ANKRD54: variants seen among roughly 807,000 people sequenced by gnomAD.
ANKRD54 encodes ankyrin repeat domain-containing protein 54.
ANKRD54 carries 26 observed loss-of-function variants against 36.2 expected under a neutral mutation model. That is an observed-to-expected ratio of 0.72 (90% CI 0.53 to 1.00). ANKRD54 has a LOEUF of 1.00. Among genes scored for constraint, ANKRD54 ranks in the 50% least tolerant of loss-of-function variants. ANKRD54 has a pLI of 0.00. For synonymous variants in ANKRD54, 209 were observed against 188.4 expected (o/e 1.11, Z -0.89); for missense variants, 384 against 424.3 (o/e 0.91, Z 0.83).
Position 37,844,149 on chromosome 22 carries a change from C to G in ANKRD54, c.90G>C (p.Leu30=), listed in dbSNP as rs1036680250. The change falls in exon 1 of 8, where the codon CTG becomes CTC. Residue 30 remains leucine, a synonymous_variant. Coordinates refer to ENST00000215941, the MANE Select transcript of ANKRD54 (RefSeq NM_138797.4). Reference sequence around the variant, plus strand: ...AGGAGAAGAGGCCCTCAGCGTCAGTCAGCGGCTCCGGCGCCACCGCGCACT... The same window carrying G: ...AGGAGAAGAGGCCCTCAGCGTCAGTGAGCGGCTCCGGCGCCACCGCGCACT... ...EGECAVAPEP[L]TDAEGLFSFA... 3.4e-5 allele frequency: 51 copies of G among 1,497,484 alleles called. No individual in the cohort carries two copies. Among genetic ancestry groups the G allele is most frequent in the Non-Finnish European group, 4.2e-5 (47 of 1,130,642 alleles). The allele number at this position is 1,497,484 out of a possible 1,614,324, so 92.8% of individuals were successfully genotyped here. A position where few individuals can be genotyped will look rare whatever the true frequency, so the allele number is the denominator to read the frequency against.
chr22:37,846,086 A>G (rs552718390), upstream of ANKRD54, among the ~76,000 whole-genome samples: 1 of 151,342 alleles, frequency 6.6e-6, no homozygotes, highest in Non-Finnish European at 1.5e-5. Context: ...GAGGCAGGAG[A>G]ATGGCGTGAA....
intron 1 of ANKRD54, among the ~76,000 whole-genome samples, chr22:37,841,017 G>A (rs1231036505): frequency 6.6e-6 from 1 of 151,898 alleles, no homozygotes; most frequent in African/African-American, 2.4e-5. Flanking sequence ...GGAAGGCGGA[G>A]GCTACAGTGA....
chr22:37,833,587 C>T, intron 4 of ANKRD54, 97 bp downstream of exon 4: 2 of 1,313,624 alleles, frequency 1.5e-6, no homozygotes, highest in Non-Finnish European at 1.1e-6. Context: ...CTGACACTCA[C>T]AGTTTCTGCC....
upstream of ANKRD54, among the ~76,000 whole-genome samples, chr22:37,845,425 A>G (rs6000905): frequency 0.58 from 88,084 of 152,000 alleles, 25,902 homozygotes; most frequent in East Asian, 0.86. Context: ...GCACTTCTAT[A>G]AAGTAGACAA....
chr22:37,840,965 C>T (rs1924163096), intron 1 of ANKRD54, among the ~76,000 whole-genome samples: 1 of 151,994 alleles, frequency 6.6e-6, no homozygotes, highest in African/African-American at 2.4e-5. Flanking sequence ...ACGTGTAACA[C>T]CAGCTACTTA....
chr22:37,837,218 C>T (rs867760149), intron 3 of ANKRD54, among the ~76,000 whole-genome samples: 24 of 151,974 alleles, frequency 1.6e-4, no homozygotes, highest in African/African-American at 5.6e-4. Context: ...GAGTGTGTGT[C>T]AGTACATCCC....
chr22:37,846,025 A>T (rs1924823087), upstream of ANKRD54, among the ~76,000 whole-genome samples: 1 of 151,850 alleles, frequency 6.6e-6, no homozygotes, highest in South Asian at 2.1e-4. Context: ...ATACAAAAAA[A>T]TTAGCCTGGT....
chr22:37,840,559 A>AG (rs929452608), intron 1 of ANKRD54, among the ~76,000 whole-genome samples: 11 of 150,744 alleles, frequency 7.3e-5, no homozygotes, highest in South Asian at 2.1e-4. Flanking sequence ...ACTCCGTCTC[A>AG]AAACAAACAA....
upstream of ANKRD54, chr22:37,844,546 G>A (rs1000380440): frequency 4.3e-5 from 15 of 348,184 alleles, no homozygotes; most frequent in East Asian, 6.6e-4. Flanking sequence ...AGTGACCTTG[G>A]CTTTCGCTGT....
chr22:37,836,735 A>G (rs1923599866), intron 3 of ANKRD54, among the ~76,000 whole-genome samples: 2 of 149,686 alleles, frequency 1.3e-5, no homozygotes, highest in African/African-American at 4.9e-5. Context: ...TTAAAGTTTA[A>G]AAAAAAAAAT....
At chr22:37,848,105 G>A (rs1374302033), upstream of ANKRD54, 1 of 153,866 alleles carries the variant, frequency 6.5e-6, no homozygotes, top group African/African-American at 2.4e-5. Flanking sequence ...GCAAATCAGT[G>A]GCGGAGTAGG....
intron 7 of ANKRD54, 48 bp from the exon 8 acceptor site, chr22:37,832,065 G>A (rs912221372): frequency 6.5e-7 from 1 of 1,543,632 alleles, no homozygotes; most frequent in Non-Finnish European, 8.8e-7. Context: ...GGTGTGCCAG[G>A]GCTCCTGGGT....
intron 7 of ANKRD54, among the ~76,000 whole-genome samples, 196 bp downstream of exon 7, chr22:37,832,441 C>A (rs1057205847): frequency 1.3e-5 from 2 of 152,142 alleles, no homozygotes; most frequent in Non-Finnish European, 2.9e-5. Context: ...CAGCTCACTG[C>A]AGCCTCGAAC....
At chr22:37,841,886 AATAAAT>A (rs1338017979) in intron 1 of ANKRD54, among the ~76,000 whole-genome samples, 22 of 18,520 alleles carry the variant, frequency 1.2e-3, no homozygotes, top group African/African-American at 0.011. Context: ...TAAATAAATA[AATAAAT>A]AAATAAAATA....
intron 3 of ANKRD54, among the ~76,000 whole-genome samples, chr22:37,838,113 C>T (rs947525409): frequency 1.7e-4 from 25 of 150,964 alleles, no homozygotes; most frequent in African/African-American, 5.4e-4. Context: ...CCAGCCTGGG[C>T]GACAGAGCGA....
intron 1 of ANKRD54, among the ~76,000 whole-genome samples, chr22:37,843,278 C>T (rs1924507581): frequency 6.6e-6 from 1 of 152,020 alleles, no homozygotes; most frequent in Non-Finnish European, 1.5e-5. Flanking sequence ...CAATAATTAG[C>T]CGGGCTTGGT....
In ANKRD54 at chr22:37,831,169, C is replaced by A. The variant is rs1199018266; in HGVS notation, c.*774G>T. The A allele has an allele frequency of 6.6e-6, 1 of 152,362 alleles. No individual in the cohort carries two copies. The highest frequency in any genetic ancestry group is 6.5e-5 in the Admixed American group (1 of 15,294). The allele number at this position is 152,362 out of a possible 1,614,324, so 9.4% of individuals were successfully genotyped here. On this transcript the variant is annotated 3_prime_UTR_variant, in exon 8 of 8. Transcript: ENST00000215941. ...AATCTTCCTGGCGAAAGATCCTTAA[C>A]TTCATTACATCTGCAAAGCCCCTTT...
In ANKRD54 at chr22:37,832,670, G is replaced by A. The variant is rs372299470; in HGVS notation, c.795C>T (p.Cys265=). Residue 265 remains cysteine (C), a synonymous_variant, in exon 7 of 8, where the codon TGC becomes TGT. Transcript: ENST00000215941. ...TGGTACTGGTCATCTGCAGGCGGGT[G>A]CAGAGGTCATCCAGGCGTTCTCGCT... is the stretch of plus-strand genomic sequence containing the variant. ...HEQRERLDDL[C]TRLQMTSTKE... 1.1e-5 allele frequency: 18 copies of A among 1,614,004 alleles called. No individual in the cohort carries two copies. The African/African-American group carries it at 1.2e-4, about 11-fold the overall frequency.
Position 37,844,161 on chromosome 22 carries a change from C to T in ANKRD54, c.78G>A (p.Ala26=). 6.7e-7 allele frequency: 1 copy of T among 1,498,890 alleles called. No homozygotes were observed. Among genetic ancestry groups the T allele is most frequent in the Non-Finnish European group, 8.8e-7 (1 of 1,131,412 alleles). 92.8% of individuals were successfully genotyped at this position (1,498,890 alleles called of 1,614,324 possible). ...CCTCAGCGTCAGTCAGCGGCTCCGG[C>T]GCCACCGCGCACTCGCCCTCCGAGC... The part of the protein sequence containing the change: ...HSSSEGECAV[A]PEPLTDAEGL... The change falls in exon 1 of 8, where the codon GCG becomes GCA. Residue 26 remains alanine (A), a synonymous_variant. Transcript: ENST00000215941.
Sources: gnomAD v4.1 joint callset for allele counts (sites outside exome capture counted in the v4.1 genomes callset) on GRCh38, gnomAD v4.1.1 for gene constraint, MANE v1.5 for transcripts, NCBI Gene and HGNC (gene_info 2026-07-23, HGNC 2026-07-21) for gene names.